The following ATRNL1 variants were observed in gnomAD, a reference collection of about 807,000 sequenced individuals.
ATRNL1 encodes attractin-like protein 1.
In ATRNL1, 95 loss-of-function variants were observed where a neutral mutation model predicts 182.7. The ratio of observed to expected loss-of-function variants is 0.52; its 90% CI spans 0.44 to 0.62. ATRNL1 has a LOEUF of 0.62. Ranked by LOEUF, ATRNL1 falls within the 20% of genes least tolerant of loss-of-function variation. The pLI, the probability that ATRNL1 is intolerant of heterozygous loss-of-function variation, is 0.00. For missense variants in ATRNL1, 1,471 were observed against 1,679.5 expected (o/e 0.88, Z 2.17); for synonymous variants, 576 against 568.3 (o/e 1.01, Z -0.19).
intron 26 of ATRNL1, among the ~76,000 whole-genome samples, chr10:115,570,332 C>T (rs1436108538): frequency 1.3e-5 from 2 of 152,160 alleles, no homozygotes; most frequent in Non-Finnish European, 2.9e-5. Flanking sequence ...AAACACCTCC[C>T]CAAAGACCCC....
intron 27 of ATRNL1, among the ~76,000 whole-genome samples, chr10:115,834,461 A>G (rs540313695): frequency 9.6e-4 from 146 of 152,204 alleles, no homozygotes; most frequent in African/African-American, 3.3e-3. Context: ...CCAATCGCCT[A>G]CTTCTCCCTT....
chr10:115,113,016 A>G (rs375061252), intron 1 of ATRNL1, among the ~76,000 whole-genome samples: 1 of 152,228 alleles, frequency 6.6e-6, no homozygotes, highest in Non-Finnish European at 1.5e-5. Context: ...GAAGAATTGT[A>G]ACAGGTGAAG....
At chr10:115,330,466 T>C (rs1855153800) in intron 18 of ATRNL1, among the ~76,000 whole-genome samples, 1 of 152,098 alleles carries the variant, frequency 6.6e-6, no homozygotes, top group African/African-American at 2.4e-5. Flanking sequence ...TGTAATGTAG[T>C]TCTGGTTGCA....
At chr10:115,331,514 C>T (rs1271067905) in intron 18 of ATRNL1, among the ~76,000 whole-genome samples, 2 of 152,080 alleles carry the variant, frequency 1.3e-5, no homozygotes, top group African/African-American at 4.8e-5. Context: ...CTTAAAGCAG[C>T]TATATTTTAA....
chr10:115,267,105 A>G, intron 12 of ATRNL1, 100 bp downstream of exon 12: 1 of 794,478 alleles, frequency 1.3e-6, no homozygotes, highest in Non-Finnish European at 2.0e-6. Flanking sequence ...TAGCTACAGA[A>G]ATGAAAAATT....
chr10:115,935,570 C>T (rs1953531855), intron 28 of ATRNL1, among the ~76,000 whole-genome samples: 1 of 152,062 alleles, frequency 6.6e-6, no homozygotes, highest in South Asian at 2.1e-4. Context: ...GATCTGGAGT[C>T]GTGGGTTCAG....
At chr10:115,907,966 A>C (rs1209703872) in intron 28 of ATRNL1, among the ~76,000 whole-genome samples, 1 of 152,200 alleles carries the variant, frequency 6.6e-6, no homozygotes, top group Non-Finnish European at 1.5e-5. Flanking sequence ...GAGTTTTATA[A>C]GTAATCCACT....
intron 1 of ATRNL1, 111 bp downstream of exon 1, chr10:115,094,154 G>T (rs1198704163): frequency 4.4e-6 from 5 of 1,125,464 alleles, no homozygotes; most frequent in Non-Finnish European, 5.7e-6. Context: ...TGATCCCCCG[G>T]CCGTGAGTGA....
intron 24 of ATRNL1, among the ~76,000 whole-genome samples, chr10:115,474,414 C>A (rs1359604302): frequency 6.6e-6 from 1 of 151,254 alleles, no homozygotes; most frequent in Non-Finnish European, 1.5e-5. Context: ...TATGATGTGT[C>A]CTAGTGAAGT....
chr10:115,350,334 CAA>C (rs1424122017), intron 19 of ATRNL1, among the ~76,000 whole-genome samples: 84 of 29,734 alleles, frequency 2.8e-3, no homozygotes, highest in East Asian at 0.014. Flanking sequence ...GACTCTGTCT[CAA>C]AAAAAAAAAG....
chr10:115,713,715 T>TCTATCTATCATCTATCTAGCTAG (rs1565310983), intron 26 of ATRNL1, among the ~76,000 whole-genome samples: 2 of 150,992 alleles, frequency 1.3e-5, no homozygotes, highest in African/African-American at 4.9e-5. Flanking sequence ...CATCTATCTA[T>TCTATCTATCATCTATCTAGCTAG]CTATCTATCT....
intron 27 of ATRNL1, among the ~76,000 whole-genome samples, chr10:115,809,731 A>G (rs1490599633): frequency 1.3e-5 from 2 of 151,972 alleles, no homozygotes; most frequent in Non-Finnish European, 2.9e-5. Flanking sequence ...CAATATTGTC[A>G]TCTTCAAATA....
chr10:115,552,547 A>G lies in ATRNL1; in HGVS notation c.3795+3011A>G, dbSNP rs182134670. Among the ~76,000 whole-genome samples, 9 of 151,486 alleles carry G rather than the reference A, an allele frequency of 5.9e-5. No individual in the cohort carries two copies. The East Asian group carries it at 1.7e-3, about 29-fold the overall frequency. The stretch of plus-strand genomic sequence containing the variant: ...GTAATGAAAGTTTAAAATGAAAATA[A>G]TCTTTGGAAATGTTTTAATATATTG... On this transcript the variant is annotated intron_variant, in intron 26 of 28. Coordinates refer to ENST00000355044, the MANE Select transcript of ATRNL1 (RefSeq NM_207303.4).
chr10:115,551,687 C>T (rs752538951), intron 26 of ATRNL1, among the ~76,000 whole-genome samples: 2 of 151,314 alleles, frequency 1.3e-5, no homozygotes, highest in Non-Finnish European at 3.0e-5. Context: ...TACTAAATTC[C>T]TTTAAATGTA....
intron 9 of ATRNL1, among the ~76,000 whole-genome samples, chr10:115,234,161 A>G (rs2144537359): frequency 6.6e-6 from 1 of 152,228 alleles, no homozygotes; most frequent in Non-Finnish European, 1.5e-5. Flanking sequence ...TAATAGTTGT[A>G]AGAACATTCA....
rs148219722 is a variant in ATRNL1, at chr10:115,318,293, G to A, written c.3037+2557G>A. Among the ~76,000 whole-genome samples, 623 of 152,250 alleles carry A rather than the reference G, an allele frequency of 4.1e-3. 2 individuals are homozygous for A. Among genetic ancestry groups the A allele is most frequent in the African/African-American group, 0.013 (541 of 41,530 alleles). On this transcript the variant is annotated intron_variant, in intron 18 of 28. Transcript: ENST00000355044. ...ATGTGCTGCTGGATTCGGTTTGCCA[G>A]TATTTTATTGAGGATTTTCACATCG... is the stretch of plus-strand genomic sequence containing the variant.
At chr10:115,603,672 C>T (rs1414268551) in intron 26 of ATRNL1, among the ~76,000 whole-genome samples, 1 of 152,100 alleles carries the variant, frequency 6.6e-6, no homozygotes, top group African/African-American at 2.4e-5. Flanking sequence ...CATAAGCAGG[C>T]ATCAAATCTC....
intron 8 of ATRNL1, among the ~76,000 whole-genome samples, chr10:115,201,775 T>C (rs1554892471): frequency 6.6e-6 from 1 of 152,148 alleles, no homozygotes; most frequent in East Asian, 1.9e-4. Context: ...AAGAAAGTCA[T>C]TGGTAGCTTG....
intron 26 of ATRNL1, among the ~76,000 whole-genome samples, chr10:115,608,733 G>A (rs904393429): frequency 7.2e-5 from 11 of 151,864 alleles, no homozygotes; most frequent in South Asian, 4.1e-4. Flanking sequence ...TTATGAAAAC[G>A]TTAGTTCTTA....
Sources: gnomAD v4.1 joint callset for allele counts (sites outside exome capture counted in the v4.1 genomes callset) on GRCh38, gnomAD v4.1.1 for gene constraint, MANE v1.5 for transcripts, NCBI Gene and HGNC (gene_info 2026-07-23, HGNC 2026-07-21) for gene names.